Variants in TENM2 observed in about 807,000 individuals in gnomAD.
TENM2 encodes teneurin-2.
TENM2 carries 52 observed loss-of-function variants against 245.2 expected under a neutral mutation model. That is an observed-to-expected ratio of 0.21 (90% CI 0.17 to 0.27). The LOEUF (loss-of-function observed/expected upper bound fraction) is 0.27. TENM2 is among the 10% of genes least tolerant of loss of function. The probability of loss-of-function intolerance (pLI) is 1.00; values close to 1 mark genes in which losing one functional copy is unlikely to be tolerated. For synonymous variants in TENM2, 1,363 were observed against 1,438.9 expected, an observed-to-expected ratio of 0.95 and a Z score of 1.19; for missense variants, 3,046 against 3,666.8, an observed-to-expected ratio of 0.83 and a Z score of 4.37.
chr5:168,199,980 C>G (rs763789771), exon 17 of TENM2: 7 of 1,613,836 alleles, frequency 4.3e-6, no homozygotes, highest in Non-Finnish European at 5.9e-6. Context: ...CCACAGTGCC[C>G]CTGAACCTCA....
the TENM2 span, among the ~76,000 whole-genome samples, chr5:166,994,309 C>T: frequency 5.9e-5 from 9 of 152,282 alleles, no homozygotes; most frequent in South Asian, 8.3e-4. Flanking sequence ...ATATTGTGGG[C>T]GATCATCTTA....
At chr5:168,053,520 A>G (rs1789288313) in intron 6 of TENM2, among the ~76,000 whole-genome samples, 1 of 152,194 alleles carries the variant, frequency 6.6e-6, no homozygotes, top group African/African-American at 2.4e-5. Flanking sequence ...ACGGGTATCC[A>G]CAGATTCAAC....
the TENM2 span, among the ~76,000 whole-genome samples, chr5:167,003,682 A>T: frequency 6.6e-6 from 1 of 152,170 alleles, no homozygotes; most frequent in Non-Finnish European, 1.5e-5. Context: ...CAATTTGAAG[A>T]TGTGTATAAT....
At chr5:167,284,365 G>C (rs1022426834), upstream of TENM2, among the ~76,000 whole-genome samples, 1 of 152,074 alleles carries the variant, frequency 6.6e-6, no homozygotes, top group African/African-American at 2.4e-5. Context: ...TGGAGGGGGG[G>C]TGGTATTTGT....
At chr5:168,227,573 T>TTTGA (rs1367860912) in intron 24 of TENM2, among the ~76,000 whole-genome samples, 3 of 151,700 alleles carry the variant, frequency 2.0e-5, no homozygotes, top group Non-Finnish European at 4.4e-5. Context: ...GCTTCGGGAA[T>TTTGA]TTGATTGACA....
At chr5:167,973,616 A>G (rs1781965593) in intron 4 of TENM2, among the ~76,000 whole-genome samples, 2 of 152,184 alleles carry the variant, frequency 1.3e-5, no homozygotes, top group Non-Finnish European at 1.5e-5. Context: ...TGGTCAGGGA[A>G]GCCTGGCTGG....
the TENM2 span, among the ~76,000 whole-genome samples, chr5:167,169,330 G>A: frequency 1.3e-5 from 2 of 152,112 alleles, no homozygotes; most frequent in African/African-American, 4.8e-5. Context: ...AGAAAAACAT[G>A]CAAATAAAGT....
the TENM2 span, among the ~76,000 whole-genome samples, chr5:167,185,662 A>G: frequency 2.6e-5 from 4 of 152,078 alleles, no homozygotes; most frequent in South Asian, 2.1e-4. Flanking sequence ...GAACCACACA[A>G]TGGTGACAGG....
chr5:167,030,620 C>T, the TENM2 span, among the ~76,000 whole-genome samples: 1 of 152,194 alleles, frequency 6.6e-6, no homozygotes, highest in Non-Finnish European at 1.5e-5. Flanking sequence ...CTCCTTCCTT[C>T]CCCGCTTCCA....
At chr5:167,351,026 A>T (rs186942111) in intron 1 of TENM2, among the ~76,000 whole-genome samples, 3 of 70,998 alleles carry the variant, frequency 4.2e-5, no homozygotes, top group African/African-American at 1.3e-4. Flanking sequence ...TATATATGGG[A>T]TATATACATA....
intron 2 of TENM2, among the ~76,000 whole-genome samples, chr5:167,508,241 A>G (rs950048110): frequency 1.3e-5 from 2 of 152,148 alleles, no homozygotes; most frequent in Non-Finnish European, 2.9e-5. Flanking sequence ...AAAAAGCTCC[A>G]CACACCCCCT....
chr5:168,090,358 AGTATT>A (rs371455743), intron 7 of TENM2, among the ~76,000 whole-genome samples: 115 of 152,270 alleles, frequency 7.6e-4, no homozygotes, highest in African/African-American at 2.6e-3. Flanking sequence ...GAGTAATAAA[AGTATT>A]AATAGTAGCA....
intron 2 of TENM2, among the ~76,000 whole-genome samples, chr5:167,736,390 T>C (rs961709837): frequency 6.6e-6 from 1 of 152,148 alleles, no homozygotes; most frequent in African/African-American, 2.4e-5. Context: ...TAGAGATATC[T>C]ATCTAGAATT....
At chr5:168,082,279 A>T (rs1792073141) in intron 7 of TENM2, among the ~76,000 whole-genome samples, 1 of 152,176 alleles carries the variant, frequency 6.6e-6, no homozygotes, top group East Asian at 1.9e-4. Flanking sequence ...TTTCAGCTCC[A>T]TCAGGTTATT....
At chr5:167,765,891 C>CT (rs1001818301) in intron 2 of TENM2, among the ~76,000 whole-genome samples, 1 of 152,094 alleles carries the variant, frequency 6.6e-6, no homozygotes, top group African/African-American at 2.4e-5. Context: ...CTGTAAATCG[C>CT]TTGTAAACTT....
chr5:167,729,196 A>G (rs1760246379), intron 2 of TENM2: 1 of 152,028 alleles, frequency 6.6e-6, no homozygotes, highest in Admixed American at 6.6e-5. Flanking sequence ...CCTCTCCCAC[A>G]TTGCCTCTTT....
intron 2 of TENM2, among the ~76,000 whole-genome samples, chr5:167,431,962 T>TATATATACATATATAC (rs1764272691): frequency 8.1e-6 from 1 of 124,120 alleles, no homozygotes; most frequent in Non-Finnish European, 1.6e-5. Flanking sequence ...TATATATATG[T>TATATATACATATATAC]ATATATATAT....
chr5:167,138,813 G>A, the TENM2 span, among the ~76,000 whole-genome samples: 1 of 152,022 alleles, frequency 6.6e-6, no homozygotes, highest in Non-Finnish European at 1.5e-5. Context: ...AGTAGAGACA[G>A]CGTTTCACCA....
At chr5:167,749,526 T>C (rs1761818914) in intron 2 of TENM2, among the ~76,000 whole-genome samples, 1 of 151,772 alleles carries the variant, frequency 6.6e-6, no homozygotes, top group Non-Finnish European at 1.5e-5. Flanking sequence ...TAATCCCAGC[T>C]ACTCAGGAGG....
Sources: allele counts gnomAD v4.1 joint callset (sites outside exome capture counted in the v4.1 genomes callset), GRCh38; gene constraint gnomAD v4.1.1; transcripts MANE v1.5; gene names NCBI Gene and HGNC (gene_info 2026-07-23, HGNC 2026-07-21).